Variants in RAB9B observed in about 807,000 individuals in gnomAD.
RAB9B encodes the protein ras-related protein Rab-9B.
RAB9B carries 1 observed loss-of-function variant against 8.9 expected under a neutral mutation model. That is an observed-to-expected ratio of 0.11 (90% CI 0.04 to 0.53). The LOEUF is 0.53. Among genes scored for constraint, RAB9B ranks in the 20% least tolerant of loss-of-function variants. The probability of loss-of-function intolerance (pLI) is 0.93; values close to 1 mark genes in which losing one functional copy is unlikely to be tolerated. For missense variants in RAB9B, 82 were observed against 152.9 expected (o/e 0.54, Z 2.45); for synonymous variants, 63 against 57.0 (o/e 1.10, Z -0.47).
At chrX:103,808,426 C>G in the RAB9B span, among the ~76,000 whole-genome samples, 2 of 112,266 alleles carry the variant, frequency 1.8e-5, no homozygotes, top group African/African-American at 6.5e-5. Flanking sequence ...GAGCCGTAAA[C>G]TGTCAGGTCT....
chrX:103,825,048 GCT>G lies in RAB9B; in HGVS notation c.*129_*130del, dbSNP rs1388697141. ...ATCAATCTACACTTCAATTTGAAAG[GCT>G]CTGTTTCACAATCAGAACCTTGTCT... On this transcript the variant is annotated 3_prime_UTR_variant, in exon 3 of 3. Coordinates refer to ENST00000243298, the MANE Select transcript of RAB9B (RefSeq NM_016370.4). 1.0e-5 allele frequency: 7 copies of G among 679,751 alleles called. No homozygotes were observed. The highest frequency in any genetic ancestry group is 1.3e-5 in the Non-Finnish European group (6 of 463,947). The allele number at this position is 679,751 out of a possible 1,213,427, so 56.0% of individuals were successfully genotyped here.
chrX:103,793,549 A>G, the RAB9B span, among the ~76,000 whole-genome samples: 1 of 112,364 alleles, frequency 8.9e-6, no homozygotes. Context: ...ACTTATTTTA[A>G]GACACTGCAA....
intron 1 of RAB9B, among the ~76,000 whole-genome samples, chrX:103,827,606 A>G (rs1205603197): frequency 5.3e-5 from 6 of 112,232 alleles, no homozygotes; most frequent in Non-Finnish European, 1.1e-4. Context: ...CCTGTTTACA[A>G]TAAAGTATAT....
At chrX:103,813,328 C>T in the RAB9B span, among the ~76,000 whole-genome samples, 3 of 111,013 alleles carry the variant, frequency 2.7e-5, no homozygotes, top group Non-Finnish European at 5.7e-5. Context: ...CTGCACCTCA[C>T]CCCTAAACTG....
At chrX:103,779,731 TAAC>T in the RAB9B span, 1 of 111,580 alleles carries the variant, frequency 9.0e-6, no homozygotes, top group Non-Finnish European at 1.9e-5. Flanking sequence ...ATCTGAGTAA[TAAC>T]AACCTCAACC....
the RAB9B span, chrX:103,786,734 T>C: frequency 1.7e-6 from 2 of 1,210,588 alleles, no homozygotes; most frequent in Admixed American, 4.3e-5. Context: ...AAGGTGATCA[T>C]CCTCAGGATT....
chrX:103,789,759 C>A, the RAB9B span, among the ~76,000 whole-genome samples: 4 of 111,896 alleles, frequency 3.6e-5, no homozygotes, highest in Non-Finnish European at 7.5e-5. Context: ...TGAAACATCA[C>A]GAAACATGAC....
chrX:103,790,329 T>A, the RAB9B span, among the ~76,000 whole-genome samples: 1 of 113,096 alleles, frequency 8.8e-6, no homozygotes, highest in Non-Finnish European at 1.9e-5. Context: ...AGACCCATGA[T>A]GCCTCAGAGA....
chrX:103,820,832 C>A (rs1231776507), downstream of RAB9B, among the ~76,000 whole-genome samples: 3 of 110,064 alleles, frequency 2.7e-5, no homozygotes, highest in Non-Finnish European at 5.7e-5. Flanking sequence ...CGCCTGTAAT[C>A]CCAGCTATTA....
At chrX:103,777,460 C>G in the RAB9B span, among the ~76,000 whole-genome samples, 2 of 111,921 alleles carry the variant, frequency 1.8e-5, no homozygotes, top group Non-Finnish European at 3.8e-5. Context: ...AGCTGGGGAT[C>G]GGGCAAGCTG....
chrX:103,801,371 A>C, the RAB9B span, among the ~76,000 whole-genome samples: 1 of 110,980 alleles, frequency 9.0e-6, no homozygotes, highest in African/African-American at 3.3e-5. Context: ...TGTTCCTGCC[A>C]AGTGGTGACA....
At chrX:103,812,868 T>A in the RAB9B span, among the ~76,000 whole-genome samples, 2 of 110,042 alleles carry the variant, frequency 1.8e-5, no homozygotes, top group African/African-American at 6.6e-5. Flanking sequence ...ACTACAGTGT[T>A]AAAACCATAG....
At chrX:103,786,519 T>C in the RAB9B span, 104 of 1,207,941 alleles carry the variant, frequency 8.6e-5, no homozygotes, top group Non-Finnish European at 1.0e-4. Context: ...TCTTCCTTTA[T>C]GGGGCCCTCC....
At chrX:103,815,143 G>C in the RAB9B span, among the ~76,000 whole-genome samples, 1 of 112,016 alleles carries the variant, frequency 8.9e-6, no homozygotes, top group Non-Finnish European at 1.9e-5. Context: ...AACAAAAAAA[G>C]AGAATTTTAG....
chrX:103,788,716 A>G, the RAB9B span: 1 of 442,161 alleles, frequency 2.3e-6, no homozygotes, highest in South Asian at 3.3e-5. Context: ...GCATAGAAAG[A>G]CTTCCTTTCC....
chrX:103,787,931 G>A, the RAB9B span: 1 of 1,210,656 alleles, frequency 8.3e-7, no homozygotes. Flanking sequence ...ACCTCTGCCA[G>A]TATAGGCAGT....
At chrX:103,795,399 G>A in the RAB9B span, among the ~76,000 whole-genome samples, 2 of 111,905 alleles carry the variant, frequency 1.8e-5, no homozygotes, top group East Asian at 5.6e-4. Flanking sequence ...AAAGGAACTA[G>A]CTTCATGGAT....
the RAB9B span, among the ~76,000 whole-genome samples, chrX:103,813,774 A>G: frequency 1.0e-5 from 1 of 99,590 alleles, no homozygotes; most frequent in Non-Finnish European, 2.0e-5. Context: ...AAAAAAAAGC[A>G]GGAGTGGCAA....
At chrX:103,795,202 A>G in the RAB9B span, among the ~76,000 whole-genome samples, 1 of 110,778 alleles carries the variant, frequency 9.0e-6, no homozygotes, top group African/African-American at 3.3e-5. Flanking sequence ...GAAACAGTGG[A>G]AAAGATAGAA....
Sources: gnomAD v4.1 joint callset for allele counts (sites outside exome capture counted in the v4.1 genomes callset) on GRCh38, gnomAD v4.1.1 for gene constraint, MANE v1.5 for transcripts, NCBI Gene and HGNC (gene_info 2026-07-23, HGNC 2026-07-21) for gene names.